Variants in TMX1 observed in about 807,000 individuals in gnomAD.
The protein encoded by TMX1 is thioredoxin related transmembrane protein 1, also known as thioredoxin-related transmembrane protein 1.
Under a neutral mutation model 36.6 loss-of-function variants are expected in TMX1, and 25 were observed. That is an observed-to-expected ratio of 0.68 (90% CI 0.50 to 0.95). The LOEUF is 0.95. TMX1 is among the 40% of genes least tolerant of loss of function. The pLI, the probability that TMX1 is intolerant of heterozygous loss-of-function variation, is 0.00. For missense variants in TMX1, 347 were observed against 339.6 expected (o/e 1.02, Z -0.17); for synonymous variants, 133 against 118.0 (o/e 1.13, Z -0.82).
rs1596406896 is a variant in TMX1, at chr14:51,249,690, C to T, written c.592-3C>T. On this transcript the variant is annotated splice_region_variant and splice_polypyrimidine_tract_variant and intron_variant, in intron 6 of 7. Coordinates refer to ENST00000457354, the MANE Select transcript of TMX1 (RefSeq NM_030755.5). ...AGATTTCTTACAATGTTTATTTTTA[C>T]AGTGTATGATATTTGTGGCAGATTG... is the stretch of plus-strand genomic sequence containing the variant. 6.2e-7 allele frequency: 1 copy of T among 1,612,792 alleles called. No homozygotes were observed. The highest frequency in any genetic ancestry group is 8.5e-7 in the Non-Finnish European group (1 of 1,179,348).
intron 7 of TMX1, among the ~76,000 whole-genome samples, chr14:51,252,757 A>G (rs960683734): frequency 6.6e-6 from 1 of 152,154 alleles, no homozygotes; most frequent in Non-Finnish European, 1.5e-5. Flanking sequence ...ACCCAACTCA[A>G]TCTACTGTTA....
chr14:51,249,851 C>A, intron 7 of TMX1, 86 bp downstream of exon 7: 1 of 1,064,514 alleles, frequency 9.4e-7, no homozygotes, highest in South Asian at 1.7e-5. Flanking sequence ...ACAGGTTGCT[C>A]TTCCAGCTTA....
At position 51,240,595 on chromosome 14, in the gene TMX1, G is replaced by A. The variant is rs2065756053; in HGVS notation, c.152+151G>A. ...CTTCTGCAGCTCCCCAAACTCTTGGGATCTGCCGCCAGCTTGGTCCCACCC... is the reference window on the plus strand; with the variant it reads ...CTTCTGCAGCTCCCCAAACTCTTGGAATCTGCCGCCAGCTTGGTCCCACCC... On this transcript the variant is annotated intron_variant, in intron 1 of 7. Coordinates refer to ENST00000457354, the MANE Select transcript of TMX1 (RefSeq NM_030755.5). 12 of 1,187,186 alleles carry A rather than the reference G, an allele frequency of 1.0e-5. No individual in the cohort carries two copies. The South Asian group carries it at 1.8e-4, about 17-fold the overall frequency. The allele number at this position is 1,187,186 out of a possible 1,614,324, so 73.5% of individuals were successfully genotyped here.
At chr14:51,247,425 C>T (rs1172343460) in intron 4 of TMX1, among the ~76,000 whole-genome samples, 8 of 140,456 alleles carry the variant, frequency 5.7e-5, no homozygotes, top group South Asian at 4.5e-4. Context: ...GGCGCAATCT[C>T]GGCTCACTGC....
rs777391879 is a variant in TMX1 at position 51,240,462 on chromosome 14, A to G, written c.152+18A>G. On this transcript the variant is annotated intron_variant, in intron 1 of 7. Coordinates refer to ENST00000457354, the MANE Select transcript of TMX1 (RefSeq NM_030755.5). ...ATAGAATTGTGAGTGCGGGGCGGCC[A>G]GGGTCCTACGTCCGTGCCTGGACAC... 1.2e-6 allele frequency: 2 copies of G among 1,611,806 alleles called. No individual in the cohort carries two copies. The highest frequency in any genetic ancestry group is 3.3e-5 in the Admixed American group (2 of 59,994).
At chr14:51,243,708 T>C (rs763388040) in intron 1 of TMX1, 148 bp from the exon 2 acceptor site, 13 of 515,746 alleles carry the variant, frequency 2.5e-5, no homozygotes, top group Admixed American at 4.0e-5. Context: ...TAAAAGTTTT[T>C]CATCTGCATA....
Position 51,249,365 on chromosome 14 carries a change from G to C in TMX1, c.483G>C (p.Trp161Cys), listed in dbSNP as rs754606289. 3.1e-6 allele frequency: 5 copies of C among 1,608,138 alleles called. No individual in the cohort carries two copies. The highest frequency in any genetic ancestry group is 4.2e-6 in the Non-Finnish European group (5 of 1,178,158). Residue 161 changes from tryptophan to cysteine, a missense_variant, in exon 5 of 8, where the codon TGG becomes TGC. By Grantham distance (215) the Trp-to-Cys change is radical (BLOSUM62 -2). Transcript: ENST00000457354. Reference sequence around the variant, plus strand: ...CAGCACTCTTTCAGCTATCTATGTGGATCAGGGTATGGACTAAAATATTTT... The same window carrying C: ...CAGCACTCTTTCAGCTATCTATGTGCATCAGGGTATGGACTAAAATATTTT... ...SMSALFQLSM[W>C]IRTCHNYFIE...
At position 51,249,722 on chromosome 14, in the gene TMX1, T is replaced by C. The variant is rs753314660; in HGVS notation, c.621T>C (p.Cys207=). ...TGATATTTGTGGCAGATTGCCTTTG[T>C]CCTTCAAAAAGGCGCAGACCACAGC... ...LCMIFVADCL[C]PSKRRRPQPY... Residue 207 remains cysteine (C), a synonymous_variant, in exon 7 of 8, where the codon TGT becomes TGC. Transcript: ENST00000457354. 1 of 1,613,624 alleles carries C rather than the reference T, an allele frequency of 6.2e-7. No individual in the cohort carries two copies. The highest frequency in any genetic ancestry group is 1.7e-5 in the Admixed American group (1 of 59,992).
In TMX1 at chr14:51,256,831, G is replaced by C. The variant is rs2065840711; in HGVS notation, c.*2312G>C. ...CACATCTTTCAGGTGAGTCAGCCCA[G>C]AGGTGTGGTACAAATAGGTAAAATT... On this transcript the variant is annotated 3_prime_UTR_variant, in exon 8 of 8. Transcript: ENST00000457354. 6.6e-6 allele frequency: 1 copy of C among 152,208 alleles called. No individual in the cohort carries two copies. The highest frequency in any genetic ancestry group is 1.9e-4 in the East Asian group (1 of 5,206). 9.4% of individuals were successfully genotyped at this position (152,208 alleles called of 1,614,324 possible).
chr14:51,250,326 C>T (rs745383259), intron 7 of TMX1, among the ~76,000 whole-genome samples: 3 of 152,190 alleles, frequency 2.0e-5, no homozygotes, highest in Non-Finnish European at 2.9e-5. Context: ...TCTGTTACCT[C>T]GTTTGCTCTT....
rs901001632 is a variant in TMX1 at position 51,255,882 on chromosome 14, T to G, written c.*1363T>G. 2 of 152,518 alleles carry G rather than the reference T, an allele frequency of 1.3e-5. No individual in the cohort carries two copies. The highest frequency in any genetic ancestry group is 4.8e-5 in the African/African-American group (2 of 41,466). The allele number at this position is 152,518 out of a possible 1,614,324, so 9.4% of individuals were successfully genotyped here. A position where few individuals can be genotyped will look rare whatever the true frequency, so the allele number is the denominator to read the frequency against. On this transcript the variant is annotated 3_prime_UTR_variant, in exon 8 of 8. Transcript: ENST00000457354. ...CTTCTTTCTAGGCTCTGTTGCTGTGTGAATCCATTAGATTTACAGTATCGT... is the reference window on the plus strand; with the variant it reads ...CTTCTTTCTAGGCTCTGTTGCTGTGGGAATCCATTAGATTTACAGTATCGT...
Position 51,242,692 on chromosome 14 carries a change from T to C in TMX1, c.153-1164T>C, listed in dbSNP as rs73296445. Among the ~76,000 whole-genome samples, 1,139 of 152,052 alleles carry C rather than the reference T, an allele frequency of 7.5e-3. 19 individuals carry two copies. The highest frequency in any genetic ancestry group is 0.026 in the African/African-American group (1,088 of 41,482). On this transcript the variant is annotated intron_variant, in intron 1 of 7. Coordinates refer to ENST00000457354, the MANE Select transcript of TMX1 (RefSeq NM_030755.5). ...CTACTTGGGCTGAGGTGGGAGGATG[T>C]CTTGAGCCCGGGAGGTTGAGGTTGC...
In TMX1 at chr14:51,256,936, C is replaced by T. The variant is rs552960308; in HGVS notation, c.*2417C>T. 78 of 150,768 alleles carry T rather than the reference C, an allele frequency of 5.2e-4. No individual in the cohort carries two copies. Among genetic ancestry groups the T allele is most frequent in the African/African-American group, 1.8e-3 (74 of 41,148 alleles). The allele number at this position is 150,768 out of a possible 1,614,324, so 9.3% of individuals were successfully genotyped here. A position where few individuals can be genotyped will look rare whatever the true frequency, so the allele number is the denominator to read the frequency against. The stretch of plus-strand genomic sequence containing the variant: ...TTCTTCAGTGTGGGTACATGAAATT[C>T]AGCAATCTCTTATTTTGGTCTTTTT... On this transcript the variant is annotated 3_prime_UTR_variant, in exon 8 of 8. Coordinates refer to ENST00000457354, the MANE Select transcript of TMX1 (RefSeq NM_030755.5).
rs887474357 is a variant in TMX1, at chr14:51,257,290, T to A, written c.*2771T>A. On this transcript the variant is annotated 3_prime_UTR_variant, in exon 8 of 8. Transcript: ENST00000457354. ...AAGCAATTTTCTCTCATCAGTTTCGTCCTTATTCAGCCTTACACAAAAAAA... is the reference window on the plus strand; with the variant it reads ...AAGCAATTTTCTCTCATCAGTTTCGACCTTATTCAGCCTTACACAAAAAAA... 1.3e-5 allele frequency: 2 copies of A among 152,208 alleles called. No individual in the cohort carries two copies. Among genetic ancestry groups the A allele is most frequent in the Non-Finnish European group, 2.9e-5 (2 of 68,038 alleles). 9.4% of individuals were successfully genotyped at this position (152,208 alleles called of 1,614,324 possible).
chr14:51,244,954 A>G (rs1310848787), intron 2 of TMX1, among the ~76,000 whole-genome samples: 1 of 152,184 alleles, frequency 6.6e-6, no homozygotes, highest in Non-Finnish European at 1.5e-5. Context: ...GTCAAGTACA[A>G]TTCCATTGGA....
chr14:51,247,045 A>G lies in TMX1; in HGVS notation c.315-47A>G. 2.0e-6 allele frequency: 3 copies of G among 1,514,446 alleles called. No homozygotes were observed. In the South Asian group the frequency reaches 3.8e-5, roughly 19 times the overall value. 93.8% of individuals were successfully genotyped at this position (1,514,446 alleles called of 1,614,324 possible). ...GTGAAAAAATAGCAAAATAAATATT[A>G]AATTATTTCTCAGTGCTGGATAATA... On this transcript the variant is annotated intron_variant, in intron 3 of 7. Transcript: ENST00000457354.
chr14:51,245,595 G>T, intron 3 of TMX1: 1 of 938,898 alleles, frequency 1.1e-6, no homozygotes, highest in East Asian at 3.1e-5. Context: ...TGATGTTCTT[G>T]TGAAATGGTG....
chr14:51,243,798 G>A, intron 1 of TMX1, 58 bp from the exon 2 acceptor site: 2 of 1,206,528 alleles, frequency 1.7e-6, no homozygotes, highest in Non-Finnish European at 2.3e-6. Flanking sequence ...TTTATCCCAA[G>A]ATAAATGGTC....
intron 3 of TMX1, among the ~76,000 whole-genome samples, chr14:51,246,451 T>A (rs1188151409): frequency 1.3e-5 from 2 of 152,096 alleles, no homozygotes; most frequent in East Asian, 1.9e-4. Flanking sequence ...ACTTAACAGG[T>A]CCCTAGTAGG....
Sources: gnomAD v4.1 joint callset for allele counts (sites outside exome capture counted in the v4.1 genomes callset) on GRCh38, gnomAD v4.1.1 for gene constraint, MANE v1.5 for transcripts, NCBI Gene and HGNC (gene_info 2026-07-23, HGNC 2026-07-21) for gene names.